Variants in ZNF215 observed in about 807,000 individuals in gnomAD.
ZNF215 encodes the protein zinc finger protein 215.
Under a neutral mutation model 27.2 loss-of-function variants are expected in ZNF215, and 24 were observed. That is an observed-to-expected ratio of 0.88 (90% CI 0.64 to 1.24). ZNF215 has a LOEUF of 1.24. Ranked by LOEUF, ZNF215 falls within the 50% of genes most tolerant of loss-of-function variation. The pLI, the probability that ZNF215 is intolerant of heterozygous loss-of-function variation, is 0.00. For missense variants in ZNF215, 675 were observed against 605.7 expected (o/e 1.11, Z -1.20); for synonymous variants, 210 against 204.0 (o/e 1.03, Z -0.25).
rs75949480 is a variant in ZNF215, at chr11:6,958,007, T to C, written c.*1476T>C. ...ACCTTATTCAAAGGCAGAAAAGGTA[T>C]ACTGGAGTGAACTCCTATGATTAAA... is the stretch of plus-strand genomic sequence containing the variant. On this transcript the variant is annotated 3_prime_UTR_variant, in exon 7 of 7. Coordinates refer to ENST00000278319, the MANE Select transcript of ZNF215 (RefSeq NM_013250.4). 2,208 of 985,422 alleles carry C rather than the reference T, an allele frequency of 2.2e-3. 34 individuals are homozygous for C. In the African/African-American group the frequency reaches 0.036, roughly 16 times the overall value. The allele number at this position is 985,422 out of a possible 1,614,324, so 61.0% of individuals were successfully genotyped here.
At chr11:6,928,035 C>CT (rs892404093) in intron 2 of ZNF215, among the ~76,000 whole-genome samples, 20 of 151,126 alleles carry the variant, frequency 1.3e-4, no homozygotes, top group African/African-American at 3.1e-4. Context: ...TCTCTTTTAT[C>CT]TTTTTTTTTA....
At chr11:6,943,730 G>C (rs1849716841) in intron 6 of ZNF215, 89 bp downstream of exon 6, 1 of 1,058,950 alleles carries the variant, frequency 9.4e-7, no homozygotes, top group Non-Finnish European at 1.4e-6. Context: ...TGAATTGTTA[G>C]TTGGGAAGGA....
At chr11:6,960,883 C>G (rs1197088353), downstream of ZNF215, among the ~76,000 whole-genome samples, 1 of 152,064 alleles carries the variant, frequency 6.6e-6, no homozygotes, top group Non-Finnish European at 1.5e-5. Flanking sequence ...TAAACTGATT[C>G]CAATATTCTA....
chr11:6,994,260 C>T (rs551796479), intron 6 of ZNF215, among the ~76,000 whole-genome samples: 4 of 151,414 alleles, frequency 2.6e-5, no homozygotes, highest in South Asian at 2.1e-4. Context: ...TGTATTGATC[C>T]GTTGACAAAA....
At chr11:6,987,211 T>C (rs1240614365), downstream of ZNF215, among the ~76,000 whole-genome samples, 2 of 152,192 alleles carry the variant, frequency 1.3e-5, no homozygotes, top group Non-Finnish European at 2.9e-5. Context: ...AATGATATTA[T>C]GTCTTTCGCA....
intron 6 of ZNF215, among the ~76,000 whole-genome samples, chr11:6,946,222 T>C (rs952782249): frequency 6.6e-6 from 1 of 152,224 alleles, no homozygotes; most frequent in Non-Finnish European, 1.5e-5. Context: ...TCTATTATTA[T>C]TGCCGCAACT....
rs149709430 is a variant in ZNF215, at chr11:6,954,518, C to T, written c.713-1172C>T. 1.0e-3 allele frequency among the ~76,000 whole-genome samples: 158 copies of T among 152,332 alleles called. 1 individual carries two copies. In the East Asian group the frequency reaches 0.016, roughly 15 times the overall value. Reference sequence around the variant, plus strand: ...GCTGTGCTAGCAGTCAGGGAGACTCCGTGGGTGTAGGACCCGAGCCAGGTG... The same window carrying T: ...GCTGTGCTAGCAGTCAGGGAGACTCTGTGGGTGTAGGACCCGAGCCAGGTG... On this transcript the variant is annotated intron_variant, in intron 6 of 6. Transcript: ENST00000278319.
intron 6 of ZNF215, among the ~76,000 whole-genome samples, chr11:6,949,767 T>C (rs888804167): frequency 2.6e-5 from 4 of 152,236 alleles, no homozygotes; most frequent in African/African-American, 9.6e-5. Flanking sequence ...TTGGCTTTTG[T>C]TTCCATTGCT....
At chr11:6,950,249 T>C in intron 6 of ZNF215, among the ~76,000 whole-genome samples, 1 of 145,862 alleles carries the variant, frequency 6.9e-6, no homozygotes, top group Non-Finnish European at 1.5e-5. Context: ...TTTAAAGTAG[T>C]TTTTTCCAAT....
At chr11:6,990,458 A>G (rs965944516), downstream of ZNF215, among the ~76,000 whole-genome samples, 22 of 152,366 alleles carry the variant, frequency 1.4e-4, no homozygotes, top group African/African-American at 5.0e-4. Context: ...TGCATGTATT[A>G]AAAATGCTTT....
chr11:6,931,961 T>C (rs930422624), intron 2 of ZNF215, 133 bp from the exon 3 acceptor site: 13 of 220,960 alleles, frequency 5.9e-5, no homozygotes, highest in African/African-American at 3.0e-4. Flanking sequence ...TATTTTCTAG[T>C]TCTAAGAAAG....
rs150001435 is a variant in ZNF215, at chr11:6,943,609, T to G, written c.680T>G (p.Met227Arg). Residue 227 changes from methionine (M) to arginine (R), a missense_variant, in exon 6 of 7, where the codon ATG becomes AGG. Coordinates refer to ENST00000278319, the MANE Select transcript of ZNF215 (RefSeq NM_013250.4). ...GAGAGTAAGAAAAAAAGATGGATAA[T>G]GGAGAAAGAAATACCAAGGAAGACT... ...KLESKKKRWI[M>R]EKEIPRKTIF... 5.1e-5 allele frequency: 83 copies of G among 1,613,978 alleles called. No homozygotes were observed. The African/African-American group carries it at 9.9e-4, about 19-fold the overall frequency.
intron 5 of ZNF215, among the ~76,000 whole-genome samples, chr11:6,981,490 T>C (rs1850951173): frequency 6.6e-6 from 1 of 152,218 alleles, no homozygotes; most frequent in African/African-American, 2.4e-5. Flanking sequence ...TTTGAGTTCA[T>C]TTTAGATTCT....
intron 3 of ZNF215, among the ~76,000 whole-genome samples, chr11:6,938,593 G>A: frequency 7.5e-6 from 1 of 132,998 alleles, no homozygotes; most frequent in Non-Finnish European, 1.6e-5. Flanking sequence ...ATGAAGTACT[G>A]ATACATGTTA....
chr11:6,947,676 C>G (rs1462854974), intron 6 of ZNF215, among the ~76,000 whole-genome samples: 3 of 152,126 alleles, frequency 2.0e-5, no homozygotes, highest in African/African-American at 4.8e-5. Context: ...ACTACTAGAA[C>G]ACTGTTTTTG....
At chr11:6,938,881 G>A (rs903849184) in intron 3 of ZNF215, among the ~76,000 whole-genome samples, 3 of 152,036 alleles carry the variant, frequency 2.0e-5, no homozygotes, top group Non-Finnish European at 4.4e-5. Context: ...AGCTAATATG[G>A]TGAATTTTAT....
At chr11:6,943,759 T>C (rs1849717801) in intron 6 of ZNF215, 118 bp downstream of exon 6, 4 of 792,954 alleles carry the variant, frequency 5.0e-6, no homozygotes, top group Admixed American at 4.6e-5. Context: ...AACCTAAACT[T>C]TGAGGGGGAA....
chr11:6,967,428 C>T (rs12421366), intron 5 of ZNF215, among the ~76,000 whole-genome samples: 34,194 of 152,112 alleles, frequency 0.22, 3,992 homozygotes, highest in Non-Finnish European at 0.25. Flanking sequence ...ACCAACAGTG[C>T]AAAAGCATTC....
rs755019640 is a variant in ZNF215 at position 6,932,596 on chromosome 11, G to A, written c.324G>A (p.Val108=). 9.3e-6 allele frequency: 15 copies of A among 1,614,010 alleles called. No individual in the cohort carries two copies. The highest frequency in any genetic ancestry group is 1.3e-5 in the African/African-American group (1 of 74,902). ...TGCCTGAAGAAGTCAGGACTTGGGTGAATTTACAACATCCAAACAACAGTA... is the reference window on the plus strand; with the variant it reads ...TGCCTGAAGAAGTCAGGACTTGGGTAAATTTACAACATCCAAACAACAGTA... ...AILPEEVRTW[V]NLQHPNNSKD... is the part of the protein sequence containing the mutation. Residue 108 remains valine (V), a synonymous_variant, in exon 3 of 7, where the codon GTG becomes GTA. Coordinates refer to ENST00000278319, the MANE Select transcript of ZNF215 (RefSeq NM_013250.4).
Sources: gnomAD v4.1 joint callset for allele counts (sites outside exome capture counted in the v4.1 genomes callset) on GRCh38, gnomAD v4.1.1 for gene constraint, MANE v1.5 for transcripts, NCBI Gene and HGNC (gene_info 2026-07-23, HGNC 2026-07-21) for gene names.